The following CCDC146 variants were observed in gnomAD, a reference collection of about 807,000 sequenced individuals.
CCDC146 encodes the protein coiled-coil domain containing 146, also known as coiled-coil domain-containing protein 146.
CCDC146 carries 92 observed loss-of-function variants against 119.3 expected under a neutral mutation model. That is an observed-to-expected ratio of 0.77 (90% CI 0.65 to 0.92). CCDC146 has a LOEUF of 0.92. CCDC146 is among the 40% of genes least tolerant of loss of function. CCDC146 has a pLI of 0.00. For missense variants in CCDC146, 1,000 were observed against 1,103.0 expected (o/e 0.91, Z 1.32); for synonymous variants, 372 against 371.8 (o/e 1.00, Z -0.01).
intron 1 of CCDC146, among the ~76,000 whole-genome samples, chr7:77,152,022 A>C (rs1205982310): frequency 6.6e-6 from 1 of 152,154 alleles, no homozygotes; most frequent in East Asian, 1.9e-4. Context: ...AAAGTAATGA[A>C]GGTGGTGATG....
intron 14 of CCDC146, among the ~76,000 whole-genome samples, chr7:77,281,117 A>C (rs934987489): frequency 2.1e-5 from 3 of 146,066 alleles, no homozygotes; most frequent in Admixed American, 6.7e-5. Context: ...AACAAACAAA[A>C]AAAAAAAAAG....
intron 2 of CCDC146, among the ~76,000 whole-genome samples, chr7:77,172,840 A>G (rs940502164): frequency 3.3e-5 from 5 of 152,176 alleles, no homozygotes; most frequent in African/African-American, 1.2e-4. Flanking sequence ...AAAAAACCTA[A>G]CAAAATGCTT....
intron 9 of CCDC146, among the ~76,000 whole-genome samples, chr7:77,263,985 A>G (rs1793352470): frequency 6.6e-6 from 1 of 152,212 alleles, no homozygotes; most frequent in African/African-American, 2.4e-5. Flanking sequence ...GTCTTTTGCA[A>G]AACCAATAAA....
At chr7:77,191,983 G>C (rs991820499) in intron 2 of CCDC146, among the ~76,000 whole-genome samples, 1 of 151,990 alleles carries the variant, frequency 6.6e-6, no homozygotes, top group East Asian at 1.9e-4. Context: ...CTGGAGTGCA[G>C]TGGCGCCATC....
At position 77,172,073 on chromosome 7, in the gene CCDC146, T is replaced by C. The variant is rs1353728476; in HGVS notation, c.156+4249T>C. Among the ~76,000 whole-genome samples, 3 of 152,214 alleles carry C rather than the reference T, an allele frequency of 2.0e-5. No individual in the cohort carries two copies. In the East Asian group the frequency reaches 5.8e-4, roughly 29 times the overall value. ...TACATACACTTTTGAGTAGTATCAA[T>C]ATCAGCAATTTTACTGCCTGAGAAC... On this transcript the variant is annotated intron_variant, in intron 2 of 18. Transcript: ENST00000285871.
At chr7:77,213,320 T>C (rs1445985789) in intron 2 of CCDC146, among the ~76,000 whole-genome samples, 1 of 151,990 alleles carries the variant, frequency 6.6e-6, no homozygotes, top group Admixed American at 6.6e-5. Flanking sequence ...CTTAAATTCC[T>C]GATTTCAATC....
At chr7:77,289,977 GAC>G (rs1461025605) in intron 17 of CCDC146, among the ~76,000 whole-genome samples, 1 of 152,138 alleles carries the variant, frequency 6.6e-6, no homozygotes, top group Non-Finnish European at 1.5e-5. Context: ...CAATAGCAAA[GAC>G]TTGGAACCAA....
At chr7:77,141,765 G>T (rs1359130680) in intron 1 of CCDC146, among the ~76,000 whole-genome samples, 1 of 152,032 alleles carries the variant, frequency 6.6e-6, no homozygotes, top group African/African-American at 2.4e-5. Context: ...TGATGGGGTT[G>T]TTTTTTTCTT....
intron 2 of CCDC146, among the ~76,000 whole-genome samples, chr7:77,203,526 G>A (rs1457369234): frequency 6.6e-6 from 1 of 152,114 alleles, no homozygotes; most frequent in Non-Finnish European, 1.5e-5. Flanking sequence ...GGAGCGTCAT[G>A]AATACCAGGA....
Position 77,274,618 on chromosome 7 carries a change from A to G in CCDC146, c.1406A>G (p.Lys469Arg). The change falls in exon 11 of 19, where the codon AAG becomes AGG. Residue 469 changes from lysine (K) to arginine (R), a missense_variant. Coordinates refer to ENST00000285871, the MANE Select transcript of CCDC146 (RefSeq NM_020879.3). ...ATGACTCAAATCAAAATTGATGAAA[A>G]GGAACAAAAGTCCAAGGATTTCCTG... The part of the protein sequence containing the change: ...LRMTQIKIDE[K>R]EQKSKDFLKA... 6.2e-7 allele frequency: 1 copy of G among 1,610,462 alleles called. No homozygotes were observed. The highest frequency in any genetic ancestry group is 8.5e-7 in the Non-Finnish European group (1 of 1,179,054).
At chr7:77,160,842 A>G (rs962587611) in intron 1 of CCDC146, among the ~76,000 whole-genome samples, 10 of 152,232 alleles carry the variant, frequency 6.6e-5, no homozygotes, top group Non-Finnish European at 1.0e-4. Context: ...CATCAGAGTG[A>G]ACAGGAAACC....
chr7:77,219,397 C>T (rs777404833), intron 2 of CCDC146, among the ~76,000 whole-genome samples: 20 of 152,140 alleles, frequency 1.3e-4, no homozygotes, highest in Non-Finnish European at 2.8e-4. Context: ...AACTGTGTCT[C>T]TAAATATCAT....
chr7:77,259,941 TGTGTGTGTGTGTG>T (rs1793258290), intron 7 of CCDC146, 55 bp from the exon 8 acceptor site: 1 of 104 alleles, frequency 9.6e-3, no homozygotes, highest in Non-Finnish European at 0.015. Flanking sequence ...ATAAGGCAAG[TGTGTGTGTGTGTG>T]TGTGTGTGTG....
At chr7:77,141,060 C>A (rs1790925094) in intron 1 of CCDC146, among the ~76,000 whole-genome samples, 1 of 152,064 alleles carries the variant, frequency 6.6e-6, no homozygotes, top group Non-Finnish European at 1.5e-5. Flanking sequence ...CTAATGCTAT[C>A]CCTCCCCTAG....
intron 9 of CCDC146, among the ~76,000 whole-genome samples, chr7:77,265,753 T>C (rs764773741): frequency 6.6e-5 from 10 of 152,224 alleles, no homozygotes; most frequent in African/African-American, 2.4e-4. Flanking sequence ...ATCACATATT[T>C]TTAAGAGACA....
At chr7:77,213,559 C>T (rs574995196) in intron 2 of CCDC146, among the ~76,000 whole-genome samples, 336 of 152,238 alleles carry the variant, frequency 2.2e-3, no homozygotes, top group Non-Finnish European at 3.7e-3. Context: ...GTTTGGCTTT[C>T]TCTTGAACCC....
Position 77,142,378 on chromosome 7 carries a change from C to T in CCDC146, c.-12+19646C>T, listed in dbSNP as rs1250939420. Among the ~76,000 whole-genome samples the T allele has an allele frequency of 7.9e-5, 12 of 151,316 alleles. No individual in the cohort carries two copies. The East Asian group carries it at 1.8e-3, about 22-fold the overall frequency. ...TAAGTTCTAGGGTACATGTGCACAA[C>T]GTGCAGGTTTGTTACATATGTATAC... is the stretch of plus-strand genomic sequence containing the variant. On this transcript the variant is annotated intron_variant, in intron 1 of 18. Coordinates refer to ENST00000285871, the MANE Select transcript of CCDC146 (RefSeq NM_020879.3).
chr7:77,208,835 G>C (rs1357520199), intron 2 of CCDC146, among the ~76,000 whole-genome samples: 3 of 152,194 alleles, frequency 2.0e-5, no homozygotes, highest in Non-Finnish European at 4.4e-5. Flanking sequence ...AGCTTCCCAA[G>C]TAGCTGGCAC....
intron 1 of CCDC146, 148 bp downstream of exon 1, chr7:77,122,880 G>A (rs1790642605): frequency 6.6e-6 from 1 of 152,570 alleles, no homozygotes; most frequent in Non-Finnish European, 1.5e-5. Flanking sequence ...CAAGATTGGT[G>A]CTTTTTGAGG....
Sources: allele counts gnomAD v4.1 joint callset (sites outside exome capture counted in the v4.1 genomes callset), GRCh38; gene constraint gnomAD v4.1.1; transcripts MANE v1.5; gene names NCBI Gene and HGNC (gene_info 2026-07-23, HGNC 2026-07-21).